The following TIAM2 variants were observed in gnomAD, a reference collection of about 807,000 sequenced individuals.
TIAM2 encodes the protein rho guanine nucleotide exchange factor TIAM2.
A neutral mutation model predicts 152.9 loss-of-function variants in TIAM2; 80 were observed. That is an observed-to-expected ratio of 0.52 (90% CI 0.44 to 0.63). The LOEUF is 0.63. Among genes scored for constraint, TIAM2 ranks in the 30% least tolerant of loss-of-function variants. The probability of loss-of-function intolerance (pLI) is 0.00; values close to 1 mark genes in which losing one functional copy is unlikely to be tolerated. For missense variants in TIAM2, 1,965 were observed against 2,120.1 expected (o/e 0.93, Z 1.44); for synonymous variants, 804 against 838.0 (o/e 0.96, Z 0.70).
rs114786231 is a variant in TIAM2 at position 155,249,872 on chromosome 6, A to G, written c.3854A>G (p.Lys1285Arg). 102 of 1,613,738 alleles carry G rather than the reference A, an allele frequency of 6.3e-5. No homozygotes were observed. The African/African-American group carries it at 1.3e-3, about 20-fold the overall frequency. The change falls in exon 21 of 27, where the codon AAA (lysine) becomes AGA (arginine). Residue 1285 changes from lysine to arginine, a missense_variant. This residue lies in a region of TIAM2 where 935 missense variants were observed against 980.0 expected (regional missense o/e 0.95). Transcript: ENST00000682666. ...HLTEALKAME[K>R]VASHINEMQK... ...GCAGAAGCACTAAAGGCAATGGAGA[A>G]AGTAGCGAGCCACATCAATGAGATG...
At chr6:155,137,887 A>G (rs9384289) in intron 5 of TIAM2, among the ~76,000 whole-genome samples, 13,473 of 152,144 alleles carry the variant, frequency 0.089, 927 homozygotes, top group East Asian at 0.28. Flanking sequence ...CCCAGGCTGG[A>G]GTGCAATGGC....
chr6:155,104,989 G>T lies in TIAM2; in HGVS notation c.-118+14610G>T, dbSNP rs192673587. Among the ~76,000 whole-genome samples the T allele has an allele frequency of 1.7e-3, 257 of 152,142 alleles. 2 individuals carry two copies. Among genetic ancestry groups the T allele is most frequent in the Admixed American group, 5.8e-3 (89 of 15,286 alleles). ...CTTTTTCTTTTGAGATAGGGTCTCAGTCTGTCACCCAGGCTGGAGTGCAGT... is the reference window on the plus strand; with the variant it reads ...CTTTTTCTTTTGAGATAGGGTCTCATTCTGTCACCCAGGCTGGAGTGCAGT... On this transcript the variant is annotated intron_variant, in intron 2 of 26. Transcript: ENST00000682666.
At chr6:155,198,894 G>A (rs911644892) in intron 14 of TIAM2, among the ~76,000 whole-genome samples, 1 of 151,990 alleles carries the variant, frequency 6.6e-6, no homozygotes, top group Non-Finnish European at 1.5e-5. Context: ...CTGTGGTGGT[G>A]GAGAACCACA....
At chr6:155,040,704 AG>A (rs1335271931) in intron 1 of TIAM2, among the ~76,000 whole-genome samples, 1 of 151,966 alleles carries the variant, frequency 6.6e-6, no homozygotes, top group Admixed American at 6.6e-5. Context: ...TTTTCAGTAG[AG>A]ATGGGGTTTC....
At chr6:155,196,407 A>G (rs929250315) in intron 14 of TIAM2, among the ~76,000 whole-genome samples, 2 of 152,304 alleles carry the variant, frequency 1.3e-5, no homozygotes, top group Admixed American at 1.3e-4. Context: ...ATAAAATTCC[A>G]TAAGAGGTAT....
chr6:155,038,356 G>C (rs1038294659), intron 1 of TIAM2, among the ~76,000 whole-genome samples: 1 of 152,152 alleles, frequency 6.6e-6, no homozygotes, highest in African/African-American at 2.4e-5. Flanking sequence ...CTGGCTCTTT[G>C]TTCCCAGTCC....
intron 2 of TIAM2, among the ~76,000 whole-genome samples, chr6:155,105,978 TTTTTA>T (rs1365092131): frequency 1.0e-4 from 15 of 143,560 alleles, no homozygotes; most frequent in Non-Finnish European, 1.5e-4. Flanking sequence ...CTTTTGGGTA[TTTTTA>T]TTTATTTTAT....
chr6:155,003,693 C>A (rs1459294889), intron 1 of TIAM2, among the ~76,000 whole-genome samples: 2 of 152,190 alleles, frequency 1.3e-5, no homozygotes, highest in Admixed American at 1.3e-4. Flanking sequence ...TATCTCTCCC[C>A]CTCTAGCCAG....
rs1781803703 is a variant in TIAM2, at chr6:155,214,434, G to C, written c.3168+3127G>C. On this transcript the variant is annotated intron_variant, in intron 15 of 26. Transcript: ENST00000682666. This position sits in a 1 kb window ranked among gnomAD's most constrained non-coding sequence, Gnocchi z 5.4. ...GATGCTTCTGGTTCCGAAGCAGCTG[G>C]TTTGATGAAGCAGCTATGGGCTCTC... Among the ~76,000 whole-genome samples the C allele has an allele frequency of 6.6e-6, 1 of 152,150 alleles. No individual in the cohort carries two copies. Among genetic ancestry groups the C allele is most frequent in the Non-Finnish European group, 1.5e-5 (1 of 68,012 alleles).
chr6:155,066,985 G>A (rs1777706830), intron 1 of TIAM2, among the ~76,000 whole-genome samples: 1 of 152,170 alleles, frequency 6.6e-6, no homozygotes, highest in Non-Finnish European at 1.5e-5. Flanking sequence ...TCAAACTCCT[G>A]ACCTCTAGTG....
intron 6 of TIAM2, among the ~76,000 whole-genome samples, 189 bp from the exon 7 acceptor site, chr6:155,147,921 T>G (rs1779855161): frequency 2.0e-5 from 3 of 152,252 alleles, no homozygotes; most frequent in African/African-American, 7.2e-5. Flanking sequence ...TGCTTTCTGC[T>G]CTGCTCCTAA....
intron 1 of TIAM2, among the ~76,000 whole-genome samples, chr6:155,080,738 G>A (rs777876157): frequency 2.0e-4 from 31 of 152,082 alleles, no homozygotes; most frequent in Admixed American, 1.6e-3. Flanking sequence ...CAGCTGCAAC[G>A]TGGCATCTTC....
chr6:155,171,490 A>G (rs1186874996), intron 9 of TIAM2, among the ~76,000 whole-genome samples: 1 of 152,226 alleles, frequency 6.6e-6, no homozygotes, highest in Admixed American at 6.5e-5. Flanking sequence ...GGCTTGGGGT[A>G]TTCCAACTTT....
At chr6:155,059,148 G>A (rs935393528) in intron 1 of TIAM2, among the ~76,000 whole-genome samples, 25 of 152,144 alleles carry the variant, frequency 1.6e-4, no homozygotes, top group African/African-American at 6.0e-4. Flanking sequence ...CTAAGATTCA[G>A]TCTGTGATTC....
At position 155,029,508 on chromosome 6, in the gene TIAM2, A is replaced by AC. The variant is rs1329250826; in HGVS notation, c.-209+34016_-209+34017insC. On this transcript the variant is annotated intron_variant, in intron 1 of 26. Transcript: ENST00000682666. ...TACTATAGTATATATTATATATAATATATACTATATATTATAGTATAGATA... is the reference window on the plus strand; with the variant it reads ...TACTATAGTATATATTATATATAATACTATACTATATATTATAGTATAGATA... 2.2e-3 allele frequency among the ~76,000 whole-genome samples: 55 copies of AC among 24,642 alleles called. 13 individuals are homozygous for AC. The highest frequency in any genetic ancestry group is 5.6e-3 in the African/African-American group (33 of 5,870). The allele number at this position is 24,642 out of a possible 152,430, so 16.2% of individuals were successfully genotyped here. A position where few individuals can be genotyped will look rare whatever the true frequency, so the allele number is the denominator to read the frequency against.
rs530475974 is a variant in TIAM2, at chr6:155,145,573, A to G, written c.1803+795A>G. Among the ~76,000 whole-genome samples the G allele has an allele frequency of 1.5e-4, 23 of 152,250 alleles. No homozygotes were observed. In the East Asian group the frequency reaches 4.4e-3, roughly 29 times the overall value. Reference sequence around the variant, plus strand: ...TTAATTCAGAACAGGTGAGAGTGAGAGCTGGGAAGTGAAGTGTGCTTCTTA... The same window carrying G: ...TTAATTCAGAACAGGTGAGAGTGAGGGCTGGGAAGTGAAGTGTGCTTCTTA... On this transcript the variant is annotated intron_variant, in intron 6 of 26. Coordinates refer to ENST00000682666, the MANE Select transcript of TIAM2 (RefSeq NM_012454.4).
chr6:155,111,298 T>TACACACACAC (rs57988099), intron 2 of TIAM2, among the ~76,000 whole-genome samples: 282 of 138,440 alleles, frequency 2.0e-3, no homozygotes, highest in Middle Eastern at 3.7e-3. Flanking sequence ...ATTCTTGGAA[T>TACACACACAC]ACACACACAC....
At chr6:155,160,355 T>C (rs754623330) in intron 7 of TIAM2, among the ~76,000 whole-genome samples, 9 of 152,136 alleles carry the variant, frequency 5.9e-5, no homozygotes, top group Admixed American at 5.2e-4. Context: ...CCTCTTCAGG[T>C]GGTCAACAGA....
chr6:155,147,698 T>C (rs993896703), intron 6 of TIAM2, among the ~76,000 whole-genome samples: 1 of 152,200 alleles, frequency 6.6e-6, no homozygotes, highest in Non-Finnish European at 1.5e-5. Context: ...TTGGCCAGGC[T>C]GGTCTCGAAC....
Sources: allele counts gnomAD v4.1 joint callset (sites outside exome capture counted in the v4.1 genomes callset), GRCh38; gene constraint gnomAD v4.1.1; regional missense constraint gnomAD v4.1.1; non-coding constraint Gnocchi (gnomAD v3.1); transcripts MANE v1.5; gene names NCBI Gene and HGNC (gene_info 2026-07-23, HGNC 2026-07-21).